Variants in GEN1 observed in about 807,000 individuals in gnomAD.
GEN1 encodes GEN1 structure-specific endonuclease, also known as flap endonuclease GEN homolog 1.
GEN1 carries 64 observed loss-of-function variants against 67.6 expected under a neutral mutation model. The observed-to-expected ratio is 0.95, with a 90% CI of 0.77 to 1.17. The LOEUF (loss-of-function observed/expected upper bound fraction) is 1.17, where lower values mean the gene tolerates loss of function less well. Ranked by LOEUF, GEN1 falls within the 50% of genes most tolerant of loss-of-function variation. The pLI is 0.00. For missense variants in GEN1, 1,058 were observed against 1,048.3 expected (o/e 1.01, Z -0.13); for synonymous variants, 371 against 359.4 (o/e 1.03, Z -0.37).
rs1333442286 is a variant in GEN1, at chr2:17,760,043, T to C, written c.100T>C (p.Trp34Arg). The C allele has an allele frequency of 6.2e-7, 1 of 1,614,144 alleles. No homozygotes were observed. Among genetic ancestry groups the C allele is most frequent in the Admixed American group, 1.7e-5 (1 of 60,020 alleles). Residue 34 changes from tryptophan (W) to arginine (R), a missense_variant, in exon 2 of 14, where the codon TGG becomes CGG. By Grantham distance (101) the Trp-to-Arg change is moderately radical (BLOSUM62 -3). Coordinates refer to ENST00000381254, the MANE Select transcript of GEN1 (RefSeq NM_001130009.3). Reference protein sequence around the residue: ...GKTIAVDLSLWVCEAQTVKKM... With the variant: ...GKTIAVDLSLRVCEAQTVKKM... Reference sequence around the variant, plus strand: ...AACCATTGCAGTTGATCTGAGTCTCTGGGTGTGTGAGGCACAGACAGTCAA... The same window carrying C: ...AACCATTGCAGTTGATCTGAGTCTCCGGGTGTGTGAGGCACAGACAGTCAA...
chr2:17,763,616 A>G (rs1671783660), intron 3 of GEN1, among the ~76,000 whole-genome samples: 1 of 152,226 alleles, frequency 6.6e-6, no homozygotes, highest in Non-Finnish European at 1.5e-5. Flanking sequence ...CATGGTAGAG[A>G]CATAGAGTGG....
rs758748629 is a variant in GEN1 at position 17,772,071 on chromosome 2, G to A, written c.803-563G>A. Among the ~76,000 whole-genome samples the A allele has an allele frequency of 3.9e-4, 60 of 152,030 alleles. 1 individual carries two copies. Among genetic ancestry groups the A allele is most frequent in the Admixed American group, 4.6e-4 (7 of 15,256 alleles). On this transcript the variant is annotated intron_variant, in intron 7 of 13. Transcript: ENST00000381254. Reference sequence around the variant, plus strand: ...TCTTACATATTCTCAAGACAATGTTGAAAGTAATCACACTTTGCTTTTAAA... The same window carrying A: ...TCTTACATATTCTCAAGACAATGTTAAAAGTAATCACACTTTGCTTTTAAA...
intron 5 of GEN1, among the ~76,000 whole-genome samples, chr2:17,767,128 A>G (rs1671971001): frequency 6.6e-6 from 1 of 152,228 alleles, no homozygotes; most frequent in African/African-American, 2.4e-5. Context: ...GGGATAAGCC[A>G]TTCATATTTC....
At chr2:17,765,147 G>T (rs1157770764) in intron 4 of GEN1, 74 bp downstream of exon 4, 2 of 1,418,504 alleles carry the variant, frequency 1.4e-6, no homozygotes, top group African/African-American at 2.9e-5. Context: ...AAATGAAATA[G>T]TAGATATAAA....
chr2:17,778,204 GTGTATAT>G, intron 12 of GEN1, 141 bp downstream of exon 12: 1 of 432,740 alleles, frequency 2.3e-6, no homozygotes, highest in South Asian at 2.8e-5. Context: ...ACACATATAT[GTGTATAT>G]ATATGTATAC....
rs759875001 is a variant in GEN1, at chr2:17,771,183, C to A, written c.711-13C>A. On this transcript the variant is annotated splice_polypyrimidine_tract_variant and intron_variant, in intron 6 of 13. Transcript: ENST00000381254. The stretch of plus-strand genomic sequence containing the variant: ...TTTTTTTTCCTTTTTTTAAAAACCA[C>A]TTTCTATTAAAGGTTTAATCGGTGG... The A allele has an allele frequency of 1.9e-6, 3 of 1,572,092 alleles. No homozygotes were observed. Among genetic ancestry groups the A allele is most frequent in the Non-Finnish European group, 2.6e-6 (3 of 1,142,352 alleles).
chr2:17,779,599 A>G (rs1672726685), intron 12 of GEN1, among the ~76,000 whole-genome samples: 1 of 152,028 alleles, frequency 6.6e-6, no homozygotes, highest in Admixed American at 6.6e-5. Flanking sequence ...TTACCTGGAA[A>G]GATTGATTTT....
intron 4 of GEN1, 51 bp from the exon 5 acceptor site, chr2:17,766,528 T>C (rs1417555396): frequency 9.9e-6 from 9 of 905,776 alleles, no homozygotes; most frequent in Non-Finnish European, 1.6e-5. Context: ...TGTGGTTTAA[T>C]GTATAAATAT....
chr2:17,758,377 A>G (rs1231297153), intron 1 of GEN1, among the ~76,000 whole-genome samples: 1 of 152,240 alleles, frequency 6.6e-6, no homozygotes, highest in Admixed American at 6.5e-5. Context: ...CAAAACTGTC[A>G]ATAACTTTCT....
At position 17,783,983 on chromosome 2, in the gene GEN1, ATACAC is replaced by A. The variant is rs1242834373; in HGVS notation, c.*2045_*2049del. ...CCCAAAGCATAGGCAACAAAAGAGA[ATACAC>A]AAACTGGACTTCATCAAAACTAAAA... On this transcript the variant is annotated 3_prime_UTR_variant, in exon 14 of 14. Transcript: ENST00000381254. The A allele has an allele frequency of 1.3e-5, 2 of 152,384 alleles. No individual in the cohort carries two copies. The highest frequency in any genetic ancestry group is 4.1e-4 in the South Asian group (2 of 4,830). 9.4% of individuals were successfully genotyped at this position (152,384 alleles called of 1,614,324 possible). A position where few individuals can be genotyped will look rare whatever the true frequency, so the allele number is the denominator to read the frequency against.
chr2:17,777,326 G>C (rs971625251), intron 11 of GEN1, among the ~76,000 whole-genome samples: 3 of 151,876 alleles, frequency 2.0e-5, no homozygotes, highest in African/African-American at 7.2e-5. Flanking sequence ...ATTAATACAT[G>C]ATGATGATGA....
At chr2:17,757,567 T>C (rs1671490632) in intron 1 of GEN1, among the ~76,000 whole-genome samples, 2 of 152,186 alleles carry the variant, frequency 1.3e-5, no homozygotes, top group African/African-American at 4.8e-5. Flanking sequence ...GGTAGGAATG[T>C]TGAACCTTAG....
intron 5 of GEN1, 126 bp from the exon 6 acceptor site, chr2:17,768,612 C>T: frequency 1.5e-6 from 1 of 659,704 alleles, no homozygotes; most frequent in Non-Finnish European, 2.6e-6. Context: ...TCTTGCATAT[C>T]TTTTCCTATC....
At chr2:17,773,371 G>T in intron 10 of GEN1, 72 bp downstream of exon 10, 1 of 930,620 alleles carries the variant, frequency 1.1e-6, no homozygotes, top group Non-Finnish European at 1.7e-6. Flanking sequence ...TATTCACTCT[G>T]ATTGGTCTTA....
rs538771084 is a variant in GEN1, at chr2:17,784,672, T to G, written c.*2733T>G. 2.0e-5 allele frequency: 3 copies of G among 152,036 alleles called. No individual in the cohort carries two copies. In the East Asian group the frequency reaches 5.8e-4, roughly 29 times the overall value. 9.4% of individuals were successfully genotyped at this position (152,036 alleles called of 1,614,324 possible). ...TCATCTCAACTCTTTAAGGACTGTATTGCAATGTTTTGAATATTCAGAGAG... is the reference window on the plus strand; with the variant it reads ...TCATCTCAACTCTTTAAGGACTGTAGTGCAATGTTTTGAATATTCAGAGAG... On this transcript the variant is annotated 3_prime_UTR_variant, in exon 14 of 14. Transcript: ENST00000381254.
At position 17,787,849 on chromosome 2, in the gene GEN1, GGGAGGC is replaced by G. The variant is rs1409453556; in HGVS notation, c.*5916_*5921del. The G allele has an allele frequency of 2.0e-5, 3 of 152,396 alleles. No homozygotes were observed. The highest frequency in any genetic ancestry group is 7.2e-5 in the African/African-American group (3 of 41,436). The allele number at this position is 152,396 out of a possible 1,614,324, so 9.4% of individuals were successfully genotyped here. A position where few individuals can be genotyped will look rare whatever the true frequency, so the allele number is the denominator to read the frequency against. Reference sequence around the variant, plus strand: ...TGAGACAAGAGAATCACTTGAACCCGGGAGGCGGAGGTTGCAGTGAGCTGAGACCGT... The same window carrying G: ...TGAGACAAGAGAATCACTTGAACCCGGGAGGTTGCAGTGAGCTGAGACCGT... On this transcript the variant is annotated 3_prime_UTR_variant, in exon 14 of 14. Transcript: ENST00000381254.
chr2:17,781,146 A>C lies in GEN1; in HGVS notation c.1934A>C (p.Lys645Thr). ...ESERYTANIKKVLDEDSDGIS... is the reference protein window; with the variant it reads ...ESERYTANIKTVLDEDSDGIS... ...GAAAGGTACACTGCAAACATAAAGA[A>C]AGTGTTGGATGAGGATTCTGATGGG... Residue 645 changes from lysine to threonine, a missense_variant, in exon 14 of 14, where the codon AAA (lysine) becomes ACA (threonine). Lys to Thr is a moderately conservative substitution (Grantham distance 78). Coordinates refer to ENST00000381254, the MANE Select transcript of GEN1 (RefSeq NM_001130009.3). 3 of 1,613,940 alleles carry C rather than the reference A, an allele frequency of 1.9e-6. No individual in the cohort carries two copies. The highest frequency in any genetic ancestry group is 2.5e-6 in the Non-Finnish European group (3 of 1,179,886).
intron 4 of GEN1, among the ~76,000 whole-genome samples, chr2:17,766,155 T>C (rs1671920684): frequency 6.6e-6 from 1 of 152,126 alleles, no homozygotes; most frequent in Admixed American, 6.6e-5. Context: ...ATATAAAGTT[T>C]TTGGAATAAT....
At chr2:17,772,856 A>G (rs1572408211) in intron 8 of GEN1, 72 bp downstream of exon 8, 2 of 1,345,936 alleles carry the variant, frequency 1.5e-6, no homozygotes, top group East Asian at 4.8e-5. Flanking sequence ...AATTATTTCC[A>G]TATAATCTTT....
Sources: allele counts gnomAD v4.1 joint callset (sites outside exome capture counted in the v4.1 genomes callset), GRCh38; gene constraint gnomAD v4.1.1; transcripts MANE v1.5; gene names NCBI Gene and HGNC (gene_info 2026-07-23, HGNC 2026-07-21).